The following MORC1 variants were observed in gnomAD, a reference collection of about 807,000 sequenced individuals.
MORC1 encodes MORC family CW-type zinc finger protein 1.
Under a neutral mutation model 134.9 loss-of-function variants are expected in MORC1, and 59 were observed. The observed-to-expected ratio is 0.44, with a 90% CI of 0.35 to 0.54. The LOEUF (loss-of-function observed/expected upper bound fraction) is 0.54, where lower values mean the gene tolerates loss of function less well. Among genes scored for constraint, MORC1 ranks in the 20% least tolerant of loss-of-function variants. The pLI is 0.00. For missense variants in MORC1, 947 were observed against 1,134.5 expected, an observed-to-expected ratio of 0.83 and a Z score of 2.37; for synonymous variants, 395 against 391.7, an observed-to-expected ratio of 1.01 and a Z score of -0.10.
At chr3:109,099,646 A>T (rs1950890256) in intron 5 of MORC1, among the ~76,000 whole-genome samples, 180 bp from the exon 6 acceptor site, 1 of 152,066 alleles carries the variant, frequency 6.6e-6, no homozygotes, top group Non-Finnish European at 1.5e-5. Flanking sequence ...AATTTGAACT[A>T]AGCCAGCTCC....
intron 17 of MORC1, among the ~76,000 whole-genome samples, chr3:109,007,858 C>T (rs903200715): frequency 2.0e-4 from 30 of 152,068 alleles, no homozygotes; most frequent in African/African-American, 5.8e-4. Context: ...AATTCATATT[C>T]CATTAATATG....
intron 8 of MORC1, among the ~76,000 whole-genome samples, chr3:109,076,893 G>A (rs138448492): frequency 6.6e-6 from 1 of 151,462 alleles, no homozygotes; most frequent in Admixed American, 6.6e-5. Flanking sequence ...AGGTTGATGG[G>A]TGCAGCAAAC....
chr3:108,981,689 T>C (rs1430401478), intron 23 of MORC1, among the ~76,000 whole-genome samples: 1 of 152,208 alleles, frequency 6.6e-6, no homozygotes, highest in Non-Finnish European at 1.5e-5. Context: ...TGTAGCTCAA[T>C]GTTTAGTGTA....
At chr3:109,104,892 C>CAT (rs1950996743) in intron 3 of MORC1, among the ~76,000 whole-genome samples, 1 of 151,176 alleles carries the variant, frequency 6.6e-6, no homozygotes. Flanking sequence ...CACACACACA[C>CAT]GTATGAAATC....
chr3:109,076,799 G>A (rs968213701), intron 8 of MORC1, among the ~76,000 whole-genome samples: 2 of 151,974 alleles, frequency 1.3e-5, no homozygotes, highest in Non-Finnish European at 2.9e-5. Flanking sequence ...GACACAGGGA[G>A]GGGAACATCA....
chr3:109,057,553 C>A, intron 12 of MORC1, 67 bp from the exon 13 acceptor site: 1 of 1,371,848 alleles, frequency 7.3e-7, no homozygotes, highest in South Asian at 1.6e-5. Context: ...TAGGAAACTG[C>A]TAATAATTAA....
chr3:109,030,900 C>T (rs533194269), intron 16 of MORC1, among the ~76,000 whole-genome samples: 88 of 152,192 alleles, frequency 5.8e-4, no homozygotes, highest in African/African-American at 2.0e-3. Flanking sequence ...CTATTTACCC[C>T]GATGTGATTA....
At chr3:109,052,708 A>G (rs1949857067) in intron 14 of MORC1, among the ~76,000 whole-genome samples, 1 of 152,222 alleles carries the variant, frequency 6.6e-6, no homozygotes, top group Non-Finnish European at 1.5e-5. Flanking sequence ...AAGGGTAGAG[A>G]CATATTTTTA....
At chr3:108,995,108 A>G (rs1948164312) in intron 21 of MORC1, among the ~76,000 whole-genome samples, 1 of 152,206 alleles carries the variant, frequency 6.6e-6, no homozygotes, top group Admixed American at 6.5e-5. Context: ...CCAGGGTGGT[A>G]TGGAGTTTGC....
intron 22 of MORC1, among the ~76,000 whole-genome samples, chr3:108,986,231 A>G (rs1947889437): frequency 6.6e-6 from 1 of 152,210 alleles, no homozygotes; most frequent in Admixed American, 6.5e-5. Context: ...TAATGGCATA[A>G]TAACATTAGA....
intron 13 of MORC1, 88 bp from the exon 14 acceptor site, chr3:109,054,970 T>C: frequency 8.0e-7 from 1 of 1,256,328 alleles, no homozygotes; most frequent in East Asian, 2.5e-5. Context: ...TCATTTTTTT[T>C]TTCAAAAATA....
intron 14 of MORC1, among the ~76,000 whole-genome samples, chr3:109,052,306 C>A (rs1439211177): frequency 6.6e-6 from 1 of 151,928 alleles, no homozygotes; most frequent in Admixed American, 6.6e-5. Flanking sequence ...TATGCCTATC[C>A]CAGGAAAAAT....
At chr3:109,042,084 C>T (rs756872076) in intron 14 of MORC1, among the ~76,000 whole-genome samples, 1 of 151,966 alleles carries the variant, frequency 6.6e-6, no homozygotes, top group Non-Finnish European at 1.5e-5. Flanking sequence ...CAATGAGATA[C>T]CACTTTATAC....
chr3:109,103,893 C>G lies in MORC1; in HGVS notation c.179G>C (p.Gly60Ala), dbSNP rs142771630. ...FSVDNEKLQG[G>A]FMLCFLDDGC... Reference sequence around the variant, plus strand: ...ATCATCCAGGAAACACAACATGAATCCCCCCTGCAGTTTTTCATTATCCAC... The same window carrying G: ...ATCATCCAGGAAACACAACATGAATGCCCCCTGCAGTTTTTCATTATCCAC... Residue 60 changes from glycine to alanine, a missense_variant, in exon 4 of 28, where the codon GGA becomes GCA. This residue lies in a region of MORC1 where 214 missense variants were observed against 281.3 expected (regional missense o/e 0.76). Coordinates refer to ENST00000232603, the MANE Select transcript of MORC1 (RefSeq NM_014429.4). 5 of 1,613,776 alleles carry G rather than the reference C, an allele frequency of 3.1e-6. No individual in the cohort carries two copies. In the Admixed American group the frequency reaches 8.3e-5, roughly 27 times the overall value.
chr3:109,000,946 AT>A (rs560653368), intron 20 of MORC1, among the ~76,000 whole-genome samples: 117 of 152,272 alleles, frequency 7.7e-4, no homozygotes, highest in Non-Finnish European at 1.3e-3. Flanking sequence ...GATATTAGAA[AT>A]TTACTACAAG....
At chr3:109,108,852 C>T (rs1190671898) in intron 3 of MORC1, among the ~76,000 whole-genome samples, 2 of 150,550 alleles carry the variant, frequency 1.3e-5, no homozygotes, top group Admixed American at 6.6e-5. Context: ...GTGAGCCGAG[C>T]TCGCGCCACT....
intron 24 of MORC1, among the ~76,000 whole-genome samples, chr3:108,976,554 T>A (rs1296330651): frequency 6.6e-6 from 1 of 152,178 alleles, no homozygotes; most frequent in Non-Finnish European, 1.5e-5. Context: ...TTTTCACTGG[T>A]GAAATTTGAG....
At chr3:108,959,263 C>T in intron 27 of MORC1, 143 bp from the exon 28 acceptor site, 1 of 620,264 alleles carries the variant, frequency 1.6e-6, no homozygotes, top group Non-Finnish European at 2.5e-6. Flanking sequence ...TTTAACCTTT[C>T]AAAAGGTTTT....
chr3:108,986,519 T>G (rs2593963), intron 22 of MORC1, among the ~76,000 whole-genome samples: 2 of 151,928 alleles, frequency 1.3e-5, no homozygotes, highest in African/African-American at 2.4e-5. Flanking sequence ...AAACGGGGAC[T>G]GTCATCATCA....
Sources: allele counts gnomAD v4.1 joint callset (sites outside exome capture counted in the v4.1 genomes callset), GRCh38; gene constraint gnomAD v4.1.1; regional missense constraint gnomAD v4.1.1; transcripts MANE v1.5; gene names NCBI Gene and HGNC (gene_info 2026-07-23, HGNC 2026-07-21).